The following WWOX variants were observed in gnomAD, a reference collection of about 807,000 sequenced individuals.
WWOX encodes the protein WW domain-containing oxidoreductase.
WWOX carries 69 observed loss-of-function variants against 46.2 expected under a neutral mutation model. The observed-to-expected ratio is 1.49, with a 90% CI of 1.23 to 1.82. The LOEUF is 1.82. Ranked by LOEUF, WWOX falls within the 40% of genes most tolerant of loss-of-function variation. The pLI, the probability that WWOX is intolerant of heterozygous loss-of-function variation, is 0.00. For missense variants in WWOX, 919 were observed against 542.6 expected, an observed-to-expected ratio of 1.69 and a Z score of -6.89; for synonymous variants, 359 against 202.6, an observed-to-expected ratio of 1.77 and a Z score of -6.56.
chr16:78,798,508 G>C (rs993133375), intron 8 of WWOX, among the ~76,000 whole-genome samples: 1 of 151,270 alleles, frequency 6.6e-6, no homozygotes, highest in South Asian at 2.1e-4. Context: ...CTGTACTTGA[G>C]TCCTTAGACA....
At chr16:78,605,654 G>C (rs750074953) in intron 8 of WWOX, among the ~76,000 whole-genome samples, 4 of 152,162 alleles carry the variant, frequency 2.6e-5, no homozygotes, top group Non-Finnish European at 5.9e-5. Flanking sequence ...CAGCTATCCA[G>C]AATTACAACT....
intron 8 of WWOX, among the ~76,000 whole-genome samples, chr16:78,613,832 A>G (rs2045956514): frequency 1.3e-5 from 2 of 152,238 alleles, no homozygotes; most frequent in South Asian, 4.1e-4. Flanking sequence ...AATTTTAAGA[A>G]GAGAATACAC....
chr16:78,651,103 C>A (rs2046956187), intron 8 of WWOX, among the ~76,000 whole-genome samples: 1 of 152,178 alleles, frequency 6.6e-6, no homozygotes, highest in African/African-American at 2.4e-5. Context: ...AGACCCCTGA[C>A]CCAAGGCCCA....
At chr16:78,245,592 A>G (rs1356098728) in intron 5 of WWOX, among the ~76,000 whole-genome samples, 1 of 152,190 alleles carries the variant, frequency 6.6e-6, no homozygotes. Flanking sequence ...GGGCCAAATA[A>G]CCAGCTTATT....
intron 8 of WWOX, among the ~76,000 whole-genome samples, chr16:78,962,763 C>T (rs1044236134): frequency 1.6e-4 from 24 of 152,168 alleles, no homozygotes; most frequent in Non-Finnish European, 2.9e-4. Flanking sequence ...GAGAACATTT[C>T]TAACACCTCA....
intron 5 of WWOX, among the ~76,000 whole-genome samples, chr16:78,181,873 G>A (rs1189116435): frequency 6.6e-6 from 1 of 152,076 alleles, no homozygotes; most frequent in Admixed American, 6.6e-5. Flanking sequence ...ATAAACTGGA[G>A]GTATGGAAGG....
At chr16:78,380,610 C>G (rs117212172) in intron 5 of WWOX, among the ~76,000 whole-genome samples, 3 of 151,982 alleles carry the variant, frequency 2.0e-5, no homozygotes, top group African/African-American at 4.8e-5. Flanking sequence ...GTGATGATCA[C>G]GATGATAAAA....
intron 8 of WWOX, among the ~76,000 whole-genome samples, chr16:78,783,087 C>T (rs958940954): frequency 2.6e-5 from 4 of 152,150 alleles, no homozygotes; most frequent in Non-Finnish European, 5.9e-5. Flanking sequence ...CACCTATATG[C>T]ACAAAAATGA....
chr16:79,109,175 G>A (rs1173563616), intron 8 of WWOX, among the ~76,000 whole-genome samples: 1 of 152,088 alleles, frequency 6.6e-6, no homozygotes, highest in Admixed American at 6.5e-5. Context: ...GCCAGTTCCA[G>A]GACTCTGTGT....
At chr16:78,370,476 T>C (rs1471106470) in intron 5 of WWOX, among the ~76,000 whole-genome samples, 1 of 136,928 alleles carries the variant, frequency 7.3e-6, no homozygotes, top group Non-Finnish European at 1.6e-5. Context: ...GAGAGACGTA[T>C]GCTGGGGGTA....
At chr16:78,618,467 G>T (rs1341758640) in intron 8 of WWOX, among the ~76,000 whole-genome samples, 3 of 152,122 alleles carry the variant, frequency 2.0e-5, no homozygotes, top group Admixed American at 6.6e-5. Context: ...GTGTGCGTTT[G>T]CATCCTTATG....
intron 8 of WWOX, among the ~76,000 whole-genome samples, chr16:78,682,238 C>G (rs1038571338): frequency 1.3e-5 from 2 of 152,180 alleles, no homozygotes; most frequent in Admixed American, 6.5e-5. Flanking sequence ...CTATGCCACT[C>G]TTCTGTCATG....
At chr16:78,952,785 C>A (rs891805650) in intron 8 of WWOX, among the ~76,000 whole-genome samples, 13 of 152,164 alleles carry the variant, frequency 8.5e-5, no homozygotes, top group African/African-American at 2.9e-4. Context: ...TACTGCCCAG[C>A]AGAAGGCTTA....
intron 8 of WWOX, among the ~76,000 whole-genome samples, chr16:79,006,731 C>A (rs919830208): frequency 6.6e-6 from 1 of 152,010 alleles, no homozygotes; most frequent in South Asian, 2.1e-4. Context: ...CAGCTTGTAC[C>A]CTTGCGTCTT....
intron 8 of WWOX, among the ~76,000 whole-genome samples, chr16:79,135,617 G>C (rs1254043638): frequency 6.6e-6 from 1 of 152,104 alleles, no homozygotes; most frequent in African/African-American, 2.4e-5. Context: ...GGACCAATGA[G>C]ATGTACTTCA....
chr16:78,266,740 C>G (rs1049393703), intron 5 of WWOX, among the ~76,000 whole-genome samples: 2 of 150,276 alleles, frequency 1.3e-5, no homozygotes, highest in Non-Finnish European at 3.0e-5. Flanking sequence ...CTTCCAACAT[C>G]GCCTCCTATG....
intron 8 of WWOX, chr16:78,552,612 G>C (rs140055674): frequency 1.3e-5 from 2 of 152,158 alleles, no homozygotes; most frequent in Non-Finnish European, 2.9e-5. Flanking sequence ...AGCTCATACG[G>C]CATCCACGCG....
chr16:78,569,573 A>G (rs975498220), intron 8 of WWOX, among the ~76,000 whole-genome samples: 1 of 152,226 alleles, frequency 6.6e-6, no homozygotes, highest in African/African-American at 2.4e-5. Flanking sequence ...ACACCTTTTC[A>G]AATTTTGAAA....
chr16:78,636,345 G>A (rs2046570290), intron 8 of WWOX, among the ~76,000 whole-genome samples: 2 of 152,080 alleles, frequency 1.3e-5, no homozygotes, highest in Admixed American at 6.5e-5. Context: ...AATAAACCAA[G>A]TTTGGCCTCT....
Sources: allele counts gnomAD v4.1 joint callset (sites outside exome capture counted in the v4.1 genomes callset), GRCh38; gene constraint gnomAD v4.1.1; transcripts MANE v1.5; gene names NCBI Gene and HGNC (gene_info 2026-07-23, HGNC 2026-07-21).